The following ADGRG3 variants were observed in gnomAD, a reference collection of about 807,000 sequenced individuals.
ADGRG3 encodes the protein G protein-coupled receptor 97.
In ADGRG3, 39 loss-of-function variants were observed where a neutral mutation model predicts 54.3. The observed-to-expected ratio is 0.72, with a 90% CI of 0.56 to 0.94. The LOEUF (loss-of-function observed/expected upper bound fraction) is 0.94. ADGRG3 is among the 40% of genes least tolerant of loss of function. The probability of loss-of-function intolerance (pLI) is 0.00; values close to 1 mark genes in which losing one functional copy is unlikely to be tolerated. For synonymous variants in ADGRG3, 312 were observed against 290.0 expected (o/e 1.08, Z -0.77); for missense variants, 654 against 694.6 (o/e 0.94, Z 0.66).
chr16:57,673,304 C>T lies in ADGRG3; in HGVS notation c.59-17C>T, dbSNP rs2048196089. On this transcript the variant is annotated splice_polypyrimidine_tract_variant and intron_variant, in intron 1 of 11. Coordinates refer to ENST00000333493, the MANE Select transcript of ADGRG3 (RefSeq NM_170776.5). ...TCTTCGTCCAGCCCATTCACACTCT[C>T]TGCATTCCTTCCTTAGGTCAGGAAA... The T allele has an allele frequency of 1.2e-6, 2 of 1,606,510 alleles. No homozygotes were observed. The highest frequency in any genetic ancestry group is 2.2e-5 in the East Asian group (1 of 44,638).
rs577987277 is a variant in ADGRG3 at position 57,683,473 on chromosome 16, G to A, written c.882-459G>A. 3.3e-5 allele frequency among the ~76,000 whole-genome samples: 5 copies of A among 152,282 alleles called. No individual in the cohort carries two copies. The South Asian group carries it at 6.2e-4, about 19-fold the overall frequency. ...GAGCTGCCCCTTACTGGTTTGGTCC[G>A]GATCTTGCCGGCCACGGGGTCCCTT... is the stretch of plus-strand genomic sequence containing the variant. On this transcript the variant is annotated intron_variant, in intron 8 of 11. Transcript: ENST00000333493.
chr16:57,678,890 C>T (rs2048312654), intron 4 of ADGRG3: 2 of 483,816 alleles, frequency 4.1e-6, no homozygotes, highest in South Asian at 5.1e-5. Context: ...GATCTTGGCC[C>T]CATGCCCCCT....
At chr16:57,685,998 G>C (rs2048466549) in intron 11 of ADGRG3, 72 bp downstream of exon 11, 14 of 1,500,030 alleles carry the variant, frequency 9.3e-6, no homozygotes, top group Non-Finnish European at 1.3e-5. Flanking sequence ...GTGGGGAAGA[G>C]GGTGGTTTGC....
upstream of ADGRG3, chr16:57,668,269 G>C: frequency 8.2e-7 from 1 of 1,220,686 alleles, no homozygotes; most frequent in Non-Finnish European, 1.2e-6. Flanking sequence ...GCAGGGTGGG[G>C]GCAGGCCAGC....
chr16:57,666,441 A>G (rs768141486), upstream of ADGRG3, among the ~76,000 whole-genome samples: 1 of 152,228 alleles, frequency 6.6e-6, no homozygotes, highest in Non-Finnish European at 1.5e-5. Flanking sequence ...GGCTTTGGAC[A>G]GTGGGATCGC....
chr16:57,687,013 C>T (rs1208078430), intron 11 of ADGRG3, among the ~76,000 whole-genome samples: 2 of 152,150 alleles, frequency 1.3e-5, no homozygotes, highest in African/African-American at 4.8e-5. Context: ...ACAGGAGTGA[C>T]GAGACTCAAC....
In ADGRG3 at chr16:57,687,823, G is replaced by A. The variant is rs1301929551; in HGVS notation, c.1541-529G>A. Among the ~76,000 whole-genome samples the A allele has an allele frequency of 8.5e-5, 13 of 152,140 alleles. 1 individual carries two copies. Among genetic ancestry groups the A allele is most frequent in the Admixed American group, 8.5e-4 (13 of 15,276 alleles). ...CTTCACTCTACTAAGTTTCCACTGGGTCTGAGTTATTCTGTATTTCTCTCT... is the reference window on the plus strand; with the variant it reads ...CTTCACTCTACTAAGTTTCCACTGGATCTGAGTTATTCTGTATTTCTCTCT... On this transcript the variant is annotated intron_variant, in intron 11 of 11. Transcript: ENST00000333493.
In ADGRG3 at chr16:57,683,977, C is replaced by T. The variant is rs73554921; in HGVS notation, c.927C>T (p.His309=). The change falls in exon 9 of 12, where the codon CAC becomes CAT. Residue 309 remains histidine, a synonymous_variant. Coordinates refer to ENST00000333493, the MANE Select transcript of ADGRG3 (RefSeq NM_170776.5). ...RFKSEDAPKI[H]VALGGSLFLL... is the part of the protein sequence containing the mutation. ...AGTCAGAAGATGCCCCAAAGATCCACGTGGCCCTGGGTGGCAGCCTGTTCC... is the reference window on the plus strand; with the variant it reads ...AGTCAGAAGATGCCCCAAAGATCCATGTGGCCCTGGGTGGCAGCCTGTTCC... 13,634 of 1,592,868 alleles carry T rather than the reference C, an allele frequency of 8.6e-3. 596 individuals carry two copies. In the African/African-American group the frequency reaches 0.12, roughly 14 times the overall value.
upstream of ADGRG3, among the ~76,000 whole-genome samples, chr16:57,666,396 C>T (rs568770196): frequency 2.6e-5 from 4 of 152,350 alleles, no homozygotes; most frequent in East Asian, 1.9e-4. Flanking sequence ...CCTTTTACCC[C>T]GATGGTTATT....
Position 57,688,443 on chromosome 16 carries a change from C to T in ADGRG3, c.1632C>T (p.His544=), listed in dbSNP as rs748602989. 8.1e-6 allele frequency: 13 copies of T among 1,605,190 alleles called. No homozygotes were observed. In the South Asian group the frequency reaches 1.3e-4, roughly 16 times the overall value. Residue 544 remains histidine, a synonymous_variant, in exon 12 of 12, where the codon CAC becomes CAT. Coordinates refer to ENST00000333493, the MANE Select transcript of ADGRG3 (RefSeq NM_170776.5). ...SSSTARLDQA[H]SASQE is the part of the protein sequence containing the mutation. Reference sequence around the variant, plus strand: ...CTACTGCAAGATTGGACCAGGCCCACTCCGCATCTCAAGAATAGGAAGGCA... The same window carrying T: ...CTACTGCAAGATTGGACCAGGCCCATTCCGCATCTCAAGAATAGGAAGGCA...
chr16:57,678,146 G>T (rs1222570125), intron 3 of ADGRG3, 24 bp from the exon 4 acceptor site: 1 of 1,612,606 alleles, frequency 6.2e-7, no homozygotes, highest in African/African-American at 1.3e-5. Flanking sequence ...GTACAGATGG[G>T]AGCTGCTGTG....
chr16:57,675,015 C>A (rs796161059), intron 2 of ADGRG3, among the ~76,000 whole-genome samples: 3,226 of 51,578 alleles, frequency 0.063, 139 homozygotes, highest in African/African-American at 0.16. Flanking sequence ...AAAAAAAAAG[C>A]AGCAGCAGCA....
rs753354857 is a variant in ADGRG3 at position 57,685,864 on chromosome 16, C to T, written c.1478C>T (p.Ala493Val). 2 of 1,614,106 alleles carry T rather than the reference C, an allele frequency of 1.2e-6. 1 individual carries two copies. The highest frequency in any genetic ancestry group is 2.2e-5 in the South Asian group (2 of 91,068). The part of the protein sequence containing the change: ...SSLVGVTWGL[A>V]IFTPLGLSTV... ...CTGGTGGGTGTGACATGGGGGTTGG[C>T]CATCTTCACCCCGTTGGGCCTCTCC... is the stretch of plus-strand genomic sequence containing the variant. Residue 493 changes from alanine (A) to valine (V), a missense_variant, in exon 11 of 12, where the codon GCC (alanine) becomes GTC (valine). By Grantham distance (64) the Ala-to-Val change is moderately conservative (BLOSUM62 0). Transcript: ENST00000333493.
chr16:57,677,259 A>G (rs1158751822), intron 3 of ADGRG3, among the ~76,000 whole-genome samples: 3 of 152,102 alleles, frequency 2.0e-5, no homozygotes, highest in Non-Finnish European at 4.4e-5. Context: ...TGTAGCCCTT[A>G]GGGGAACAGG....
intron 1 of ADGRG3, 94 bp from the exon 2 acceptor site, chr16:57,673,227 A>G (rs1410628081): frequency 6.4e-6 from 8 of 1,248,830 alleles, no homozygotes; most frequent in Non-Finnish European, 9.1e-6. Context: ...TAGCCCAACC[A>G]CCAGACTCTG....
At chr16:57,683,373 C>A (rs781396911) in intron 8 of ADGRG3, among the ~76,000 whole-genome samples, 16 of 152,176 alleles carry the variant, frequency 1.1e-4, no homozygotes, top group Non-Finnish European at 1.2e-4. Flanking sequence ...TATGCATGAA[C>A]CTTAAGTAGC....
At chr16:57,682,502 G>A (rs781171064) in intron 8 of ADGRG3, 218 of 985,276 alleles carry the variant, frequency 2.2e-4, no homozygotes, top group Non-Finnish European at 2.5e-4. Context: ...CTAGGACATG[G>A]TCCCCATCCC....
chr16:57,688,314 C>T (rs752593576), intron 11 of ADGRG3, 38 bp from the exon 12 acceptor site: 3 of 1,340,428 alleles, frequency 2.2e-6, no homozygotes, highest in East Asian at 4.6e-5. Context: ...CTCTGCCCAC[C>T]CCTTTCCAGG....
intron 1 of ADGRG3, 22 bp downstream of exon 1, chr16:57,668,427 C>G: frequency 6.4e-7 from 1 of 1,554,306 alleles, no homozygotes; most frequent in South Asian, 1.2e-5. Context: ...GCACCTCATC[C>G]CCTCCTGCCA....
Sources: gnomAD v4.1 joint callset for allele counts (sites outside exome capture counted in the v4.1 genomes callset) on GRCh38, gnomAD v4.1.1 for gene constraint, MANE v1.5 for transcripts, NCBI Gene and HGNC (gene_info 2026-07-23, HGNC 2026-07-21) for gene names.